The following FAM174B variants were observed in gnomAD, a reference collection of about 807,000 sequenced individuals.
The protein encoded by FAM174B is family with sequence similarity 174 member B.
FAM174B carries 12 observed loss-of-function variants against 10.9 expected under a neutral mutation model. The observed-to-expected ratio is 1.10, with a 90% CI of 0.71 to 1.79. FAM174B has a LOEUF of 1.79. FAM174B is among the 40% of genes most tolerant of loss of function. FAM174B has a pLI of 0.00. For missense variants in FAM174B, 266 were observed against 233.3 expected (o/e 1.14, Z -0.91); for synonymous variants, 132 against 115.8 (o/e 1.14, Z -0.90).
At chr15:92,641,695 T>C (rs780462008) in intron 1 of FAM174B, among the ~76,000 whole-genome samples, 4 of 152,142 alleles carry the variant, frequency 2.6e-5, no homozygotes, top group South Asian at 2.1e-4. Context: ...GTAAGACTTA[T>C]ATGTAAGAGC....
intron 2 of FAM174B, among the ~76,000 whole-genome samples, chr15:92,620,439 A>C (rs972161117): frequency 6.6e-6 from 1 of 152,222 alleles, no homozygotes; most frequent in Admixed American, 6.5e-5. Context: ...CAGAGCTCGC[A>C]GTGAGCAGAG....
chr15:92,654,653 A>T (rs184473033), intron 1 of FAM174B, among the ~76,000 whole-genome samples: 62 of 152,164 alleles, frequency 4.1e-4, no homozygotes, highest in African/African-American at 1.3e-3. Flanking sequence ...CCACCAACAG[A>T]AAATAAGGGA....
intron 2 of FAM174B, among the ~76,000 whole-genome samples, chr15:92,624,373 AAGACC>A (rs2050739608): frequency 6.6e-6 from 1 of 151,862 alleles, no homozygotes; most frequent in Admixed American, 6.6e-5. Context: ...TCGCCCTCAG[AAGACC>A]ACGAGGAAGC....
At chr15:92,632,693 T>C (rs1374151225) in intron 1 of FAM174B, among the ~76,000 whole-genome samples, 3 of 150,500 alleles carry the variant, frequency 2.0e-5, no homozygotes, top group East Asian at 2.0e-4. Flanking sequence ...TTTTTTTTTT[T>C]CTATCTGTAG....
chr15:92,644,250 A>C (rs543607573), intron 1 of FAM174B, among the ~76,000 whole-genome samples: 175 of 152,152 alleles, frequency 1.2e-3, no homozygotes, highest in East Asian at 3.9e-4. Flanking sequence ...ACCAAGACAC[A>C]TTCCCAATAA....
chr15:92,617,954 A>G lies in FAM174B; in HGVS notation c.*1502T>C. 1 of 373,392 alleles carries G rather than the reference A, an allele frequency of 2.7e-6. No homozygotes were observed. Among genetic ancestry groups the G allele is most frequent in the Non-Finnish European group, 4.8e-6 (1 of 210,266 alleles). The allele number at this position is 373,392 out of a possible 1,614,324, so 23.1% of individuals were successfully genotyped here. On this transcript the variant is annotated 3_prime_UTR_variant, in exon 3 of 3. Coordinates refer to ENST00000327355, the MANE Select transcript of FAM174B (RefSeq NM_207446.3). ...TCCCACGGGCTCTGCTCTTTCCTGC[A>G]GAGGCGAAACTGCCTTCCTGGCAGG...
At chr15:92,648,586 T>C (rs1333873809) in intron 1 of FAM174B, among the ~76,000 whole-genome samples, 2 of 152,280 alleles carry the variant, frequency 1.3e-5, no homozygotes, top group South Asian at 2.1e-4. Flanking sequence ...ACAAACTCAC[T>C]CAGTGACCTT....
chr15:92,621,771 T>C (rs1402640844), intron 2 of FAM174B, among the ~76,000 whole-genome samples: 5 of 151,478 alleles, frequency 3.3e-5, no homozygotes, highest in Non-Finnish European at 7.4e-5. Flanking sequence ...GGTTGGGGAG[T>C]CGGGGGAGCT....
intron 2 of FAM174B, among the ~76,000 whole-genome samples, chr15:92,629,261 C>T (rs1036508499): frequency 2.0e-5 from 3 of 152,168 alleles, no homozygotes; most frequent in Non-Finnish European, 4.4e-5. Flanking sequence ...GCCCTCGTCT[C>T]AAAACTATGC....
intron 1 of FAM174B, among the ~76,000 whole-genome samples, chr15:92,642,513 T>G (rs2050898349): frequency 6.6e-6 from 1 of 152,216 alleles, no homozygotes; most frequent in Non-Finnish European, 1.5e-5. Flanking sequence ...GGGAGGTGAT[T>G]AGATTATGGG....
rs2050997858 is a variant in FAM174B, at chr15:92,655,501, G to A, written c.159C>T (p.Asn53=). Residue 53 remains asparagine, a synonymous_variant, in exon 1 of 3, where the codon AAC becomes AAT. Transcript: ENST00000327355. ...CCGCCCCAGACCCAAACCGGGTGGTGTTCCCGGGCCCCGGGCCGGGCGGTG... is the reference window on the plus strand; with the variant it reads ...CCGCCCCAGACCCAAACCGGGTGGTATTCCCGGGCCCCGGGCCGGGCGGTG... ...SRPPPGPGPG[N]TTRFGSGAAG... The A allele has an allele frequency of 5.9e-6, 9 of 1,516,036 alleles. No homozygotes were observed. Among genetic ancestry groups the A allele is most frequent in the East Asian group, 2.8e-5 (1 of 35,594 alleles). The allele number at this position is 1,516,036 out of a possible 1,614,324, so 93.9% of individuals were successfully genotyped here. A position where few individuals can be genotyped will look rare whatever the true frequency, so the allele number is the denominator to read the frequency against.
Position 92,635,124 on chromosome 15 carries a change from C to G in FAM174B, c.345-4779G>C, listed in dbSNP as rs942794074. Among the ~76,000 whole-genome samples, 3 of 148,724 alleles carry G rather than the reference C, an allele frequency of 2.0e-5. No homozygotes were observed. The East Asian group carries it at 5.9e-4, about 29-fold the overall frequency. On this transcript the variant is annotated intron_variant, in intron 1 of 2. Transcript: ENST00000327355. ...TCTCTCTCTCTCTCTTTCTCTGTCT[C>G]TCTCTCTCTCTCCTCTCTTTCGCTC...
At chr15:92,636,850 T>C (rs994152666) in intron 1 of FAM174B, among the ~76,000 whole-genome samples, 1 of 152,224 alleles carries the variant, frequency 6.6e-6, no homozygotes, top group Non-Finnish European at 1.5e-5. Context: ...CACTTGACTT[T>C]AGCGCCAAAA....
intron 1 of FAM174B, among the ~76,000 whole-genome samples, chr15:92,654,119 G>A (rs2050985174): frequency 1.3e-5 from 2 of 152,196 alleles, no homozygotes; most frequent in Admixed American, 1.3e-4. Context: ...CAGACCACTG[G>A]CATCTAATCC....
At chr15:92,631,135 T>C (rs1472159695) in intron 1 of FAM174B, among the ~76,000 whole-genome samples, 2 of 37,750 alleles carry the variant, frequency 5.3e-5, no homozygotes, top group African/African-American at 1.5e-4. Flanking sequence ...TATTACGTAT[T>C]ACATATTACA....
At chr15:92,621,886 C>T (rs1225083479) in intron 2 of FAM174B, among the ~76,000 whole-genome samples, 2 of 152,130 alleles carry the variant, frequency 1.3e-5, no homozygotes, top group African/African-American at 2.4e-5. Context: ...GGTCTGATTC[C>T]ACCATCAGGC....
chr15:92,644,410 A>G (rs1337270022), intron 1 of FAM174B, among the ~76,000 whole-genome samples: 1 of 152,176 alleles, frequency 6.6e-6, no homozygotes, highest in African/African-American at 2.4e-5. Context: ...CACTTCAGAC[A>G]AATAAGTCAC....
intron 1 of FAM174B, among the ~76,000 whole-genome samples, chr15:92,650,745 A>G (rs1178521641): frequency 6.6e-6 from 1 of 151,966 alleles, no homozygotes; most frequent in East Asian, 1.9e-4. Context: ...GTTGTTTCCC[A>G]ATACCAAAAA....
In FAM174B at chr15:92,635,135, TCC is replaced by T. The variant is rs1343309095; in HGVS notation, c.345-4792_345-4791del. On this transcript the variant is annotated intron_variant, in intron 1 of 2. Transcript: ENST00000327355. ...CTCTTTCTCTGTCTCTCTCTCTCTC[TCC>T]TCTCTTTCGCTCACTATCTCTCCAC... 7.5e-5 allele frequency among the ~76,000 whole-genome samples: 10 copies of T among 133,110 alleles called. No individual in the cohort carries two copies. In the East Asian group the frequency reaches 2.0e-3, roughly 26 times the overall value. 87.3% of individuals were successfully genotyped at this position (133,110 alleles called of 152,430 possible).
Sources: allele counts gnomAD v4.1 joint callset (sites outside exome capture counted in the v4.1 genomes callset), GRCh38; gene constraint gnomAD v4.1.1; transcripts MANE v1.5; gene names NCBI Gene and HGNC (gene_info 2026-07-23, HGNC 2026-07-21).